SEMA3D: variants seen among roughly 807,000 people sequenced by gnomAD.
The protein encoded by SEMA3D is semaphorin 3D, also known as semaphorin-3D.
A neutral mutation model predicts 100.1 loss-of-function variants in SEMA3D; 84 were observed. That is an observed-to-expected ratio of 0.84 (90% CI 0.70 to 1.01). SEMA3D has a LOEUF of 1.01. Ranked by LOEUF, SEMA3D falls within the 50% of genes least tolerant of loss-of-function variation. SEMA3D has a pLI of 0.00. For synonymous variants in SEMA3D, 312 were observed against 320.7 expected (o/e 0.97, Z 0.29); for missense variants, 875 against 934.1 (o/e 0.94, Z 0.82).
chr7:85,152,991 A>G (rs1790471526), intron 2 of SEMA3D, among the ~76,000 whole-genome samples: 1 of 152,132 alleles, frequency 6.6e-6, no homozygotes, highest in African/African-American at 2.4e-5. Flanking sequence ...AACTATTTGC[A>G]GATGATTCCT....
intron 17 of SEMA3D, among the ~76,000 whole-genome samples, chr7:85,008,754 C>G (rs866589824): frequency 2.7e-4 from 41 of 151,784 alleles, no homozygotes; most frequent in African/African-American, 9.6e-4. Context: ...AATTCAGAGT[C>G]AGGAATGATG....
chr7:85,196,032 T>G, the SEMA3D span, among the ~76,000 whole-genome samples: 8 of 152,124 alleles, frequency 5.3e-5, no homozygotes, highest in Non-Finnish European at 1.2e-4. Context: ...TATTCCAAAA[T>G]GTATGGCATA....
At chr7:85,158,909 T>A (rs1188772259) in intron 1 of SEMA3D, among the ~76,000 whole-genome samples, 3 of 152,156 alleles carry the variant, frequency 2.0e-5, no homozygotes, top group Middle Eastern at 3.2e-3. Flanking sequence ...TCTGTTTCAC[T>A]AAGATCAGAA....
At chr7:85,141,070 T>A in intron 2 of SEMA3D, 1 of 900,812 alleles carries the variant, frequency 1.1e-6, no homozygotes, top group Non-Finnish European at 1.3e-6. Context: ...TTTCATTTTA[T>A]TTAATATTCA....
intron 11 of SEMA3D, among the ~76,000 whole-genome samples, chr7:85,039,821 G>A (rs1790805048): frequency 6.6e-6 from 1 of 152,076 alleles, no homozygotes; most frequent in African/African-American, 2.4e-5. Context: ...GACAGCATGT[G>A]ATGATGTTTT....
chr7:85,059,742 G>A (rs963008875), intron 8 of SEMA3D, among the ~76,000 whole-genome samples: 1 of 152,122 alleles, frequency 6.6e-6, no homozygotes, highest in Admixed American at 6.5e-5. Flanking sequence ...GGGGTTCCAT[G>A]AGCTGATTGT....
At chr7:85,219,094 C>T in the SEMA3D span, among the ~76,000 whole-genome samples, 1 of 152,098 alleles carries the variant, frequency 6.6e-6, no homozygotes, top group African/African-American at 2.4e-5. Flanking sequence ...TCTTGGATGG[C>T]AGCAAACAAT....
intron 1 of SEMA3D, among the ~76,000 whole-genome samples, chr7:85,176,897 G>A (rs1339802548): frequency 6.6e-6 from 1 of 151,922 alleles, no homozygotes; most frequent in Non-Finnish European, 1.5e-5. Context: ...ATATCAAGGT[G>A]GTCCCAGAAG....
At chr7:85,006,995 T>C in intron 17 of SEMA3D, 54 bp from the exon 18 acceptor site, 5 of 1,458,518 alleles carry the variant, frequency 3.4e-6, no homozygotes, top group Non-Finnish European at 3.8e-6. Flanking sequence ...TTAAAAGCAA[T>C]GGGAAAACAG....
intron 3 of SEMA3D, among the ~76,000 whole-genome samples, chr7:85,106,400 GA>G (rs768888379): frequency 2.6e-5 from 4 of 151,952 alleles, no homozygotes; most frequent in Non-Finnish European, 5.9e-5. Flanking sequence ...CCAAGTAATA[GA>G]CAAATACGAC....
the SEMA3D span, among the ~76,000 whole-genome samples, chr7:85,219,395 A>C: frequency 6.6e-6 from 1 of 152,050 alleles, no homozygotes; most frequent in Non-Finnish European, 1.5e-5. Flanking sequence ...TCATGTTTGT[A>C]TATCAGACAC....
intron 4 of SEMA3D, among the ~76,000 whole-genome samples, chr7:85,084,152 A>G (rs1788149922): frequency 6.9e-6 from 1 of 144,226 alleles, no homozygotes; most frequent in Non-Finnish European, 1.5e-5. Context: ...ATCTCAAAAG[A>G]AAAAAAAAAA....
At chr7:84,999,933 C>A in intron 18 of SEMA3D, 68 bp from the exon 19 acceptor site, 3 of 1,280,834 alleles carry the variant, frequency 2.3e-6, no homozygotes, top group Non-Finnish European at 2.2e-6. Context: ...TGAAAACAGG[C>A]TACATAGTTT....
At chr7:85,091,080 GA>G (rs886283428) in intron 4 of SEMA3D, among the ~76,000 whole-genome samples, 6 of 132,646 alleles carry the variant, frequency 4.5e-5, no homozygotes, top group African/African-American at 1.9e-4. Flanking sequence ...GAAAGAGAAA[GA>G]GAGAGAAAGA....
chr7:85,171,376 T>C (rs1386925902), intron 1 of SEMA3D, among the ~76,000 whole-genome samples: 1 of 151,756 alleles, frequency 6.6e-6, no homozygotes, highest in African/African-American at 2.4e-5. Flanking sequence ...GAGAATGTAG[T>C]GAGAGGAGGA....
intron 2 of SEMA3D, among the ~76,000 whole-genome samples, chr7:85,132,217 A>T (rs951365061): frequency 3.3e-5 from 5 of 151,926 alleles, no homozygotes; most frequent in Non-Finnish European, 7.4e-5. Context: ...CTGTGATTAT[A>T]TATCAAACAT....
At chr7:85,190,376 T>C (rs1182912360), upstream of SEMA3D, among the ~76,000 whole-genome samples, 1 of 152,148 alleles carries the variant, frequency 6.6e-6, no homozygotes, top group Non-Finnish European at 1.5e-5. Context: ...CGTTTTCTCA[T>C]ATATCACCTT....
intron 1 of SEMA3D, among the ~76,000 whole-genome samples, chr7:85,176,791 T>TAGAG (rs770781559): frequency 1.3e-3 from 181 of 144,076 alleles, no homozygotes; most frequent in Non-Finnish European, 2.1e-3. Flanking sequence ...CATATATATA[T>TAGAG]ATAGAGAGAG....
rs140002212 is a variant in SEMA3D at position 85,055,541 on chromosome 7, C to T, written c.861+176G>A. On this transcript the variant is annotated intron_variant, in intron 9 of 18. Transcript: ENST00000284136. ...TTTCTTTTCTTTTTCTTATTTTTTA[C>T]ATTTGGATCTCAAAAATTACACATC... 7.3e-3 allele frequency among the ~76,000 whole-genome samples: 1,082 copies of T among 148,474 alleles called. 10 individuals carry two copies. The highest frequency in any genetic ancestry group is 0.025 in the African/African-American group (1,009 of 40,460).
Sources: gnomAD v4.1 joint callset for allele counts (sites outside exome capture counted in the v4.1 genomes callset) on GRCh38, gnomAD v4.1.1 for gene constraint, MANE v1.5 for transcripts, NCBI Gene and HGNC (gene_info 2026-07-23, HGNC 2026-07-21) for gene names.